ENTPD3: variants seen among roughly 807,000 people sequenced by gnomAD.
ENTPD3 encodes the protein CD39 antigen-like 3.
A neutral mutation model predicts 51.2 loss-of-function variants in ENTPD3; 60 were observed. The ratio of observed to expected loss-of-function variants is 1.17; its 90% CI spans 0.95 to 1.45. The LOEUF (loss-of-function observed/expected upper bound fraction) is 1.45, where lower values mean the gene tolerates loss of function less well. Among genes scored for constraint, ENTPD3 ranks in the 40% most tolerant of loss-of-function variants. The pLI is 0.00. For missense variants in ENTPD3, 593 were observed against 641.1 expected, an observed-to-expected ratio of 0.93 and a Z score of 0.81; for synonymous variants, 221 against 238.4, an observed-to-expected ratio of 0.93 and a Z score of 0.67.
At chr3:40,389,312 T>G (rs1955005876) in intron 2 of ENTPD3, among the ~76,000 whole-genome samples, 11 of 152,094 alleles carry the variant, frequency 7.2e-5, no homozygotes, top group Admixed American at 7.2e-4. Context: ...AGTTTGCCTC[T>G]GTGGATTAAC....
At chr3:40,398,265 C>T (rs907644353) in intron 3 of ENTPD3, among the ~76,000 whole-genome samples, 1 of 152,124 alleles carries the variant, frequency 6.6e-6, no homozygotes, top group African/African-American at 2.4e-5. Context: ...GCTTCAGAAA[C>T]ACAGGAAAAA....
At chr3:40,408,043 G>A (rs1955543598) in intron 4 of ENTPD3, among the ~76,000 whole-genome samples, 1 of 152,084 alleles carries the variant, frequency 6.6e-6, no homozygotes, top group Admixed American at 6.6e-5. Flanking sequence ...GATCCAATCA[G>A]CGAAATCCAA....
chr3:40,395,439 G>A (rs1105745), intron 3 of ENTPD3, among the ~76,000 whole-genome samples: 7,070 of 152,250 alleles, frequency 0.046, 509 homozygotes, highest in African/African-American at 0.16. Flanking sequence ...AAAGACATAC[G>A]TGCAAGTAGA....
chr3:40,424,905 C>A (rs1302947865), intron 10 of ENTPD3: 2 of 646,450 alleles, frequency 3.1e-6, no homozygotes, highest in Non-Finnish European at 5.7e-6. Context: ...ATTGAGTCAT[C>A]TACAAAAAAA....
Position 40,415,848 on chromosome 3 carries a change from GT to G in ENTPD3, c.607del (p.Trp203GlyfsTer18), listed in dbSNP as rs1402017095. 1.2e-6 allele frequency: 2 copies of G among 1,613,668 alleles called. No individual in the cohort carries two copies. The highest frequency in any genetic ancestry group is 4.5e-5 in the East Asian group (2 of 44,876). On this transcript the variant is annotated frameshift_variant, in exon 7 of 11. Transcript: ENST00000301825. LOFTEE classifies it high-confidence loss of function. ...CTTTTCCCACTGTGCAGAAGAACCT[GT>G]GGCACATGTGGGTGCACCCGCATGG... Reference protein sequence around the residue: ...LMGNFLEKNLWHMWVHPHGVE... With the variant: ...LMGNFLEKNLXHMWVHPHGVE...
chr3:40,389,134 T>C (rs1233331025), intron 2 of ENTPD3, among the ~76,000 whole-genome samples: 1 of 152,252 alleles, frequency 6.6e-6, no homozygotes, highest in Non-Finnish European at 1.5e-5. Context: ...CTTTGAAATG[T>C]TAACACAGAT....
At position 40,427,605 on chromosome 3, in the gene ENTPD3, C is replaced by T; in HGVS notation, c.*97C>T. 1.1e-6 allele frequency: 1 copy of T among 904,542 alleles called. No homozygotes were observed. The highest frequency in any genetic ancestry group is 1.9e-5 in the Admixed American group (1 of 51,412). 56.0% of individuals were successfully genotyped at this position (904,542 alleles called of 1,614,324 possible). A position where few individuals can be genotyped will look rare whatever the true frequency, so the allele number is the denominator to read the frequency against. On this transcript the variant is annotated 3_prime_UTR_variant, in exon 11 of 11. Coordinates refer to ENST00000301825, the MANE Select transcript of ENTPD3 (RefSeq NM_001248.4). ...AAGTGGCTGCCTTCAGGAAATACAA[C>T]TAACTAAAATCAAACACCTAGGTCA...
chr3:40,406,563 T>C (rs1955503765), intron 4 of ENTPD3, among the ~76,000 whole-genome samples: 1 of 152,238 alleles, frequency 6.6e-6, no homozygotes, highest in South Asian at 2.1e-4. Flanking sequence ...AGTTAAGTGC[T>C]GTTAAATCAG....
intron 4 of ENTPD3, among the ~76,000 whole-genome samples, chr3:40,407,006 G>A (rs990147913): frequency 2.0e-5 from 3 of 152,128 alleles, no homozygotes; most frequent in Non-Finnish European, 2.9e-5. Flanking sequence ...TTTTATGATG[G>A]ACTTGATGTG....
chr3:40,427,802 G>A lies in ENTPD3; in HGVS notation c.*294G>A, dbSNP rs977039582. 1.9e-5 allele frequency: 8 copies of A among 411,126 alleles called. No homozygotes were observed. The highest frequency in any genetic ancestry group is 9.5e-5 in the East Asian group (2 of 21,000). The allele number at this position is 411,126 out of a possible 1,614,324, so 25.5% of individuals were successfully genotyped here. ...TTATATTAAGTTCCCCAGAGGAAGA[G>A]TAAGTTGAGAAGGTATCAGTTTAAT... On this transcript the variant is annotated 3_prime_UTR_variant, in exon 11 of 11. Coordinates refer to ENST00000301825, the MANE Select transcript of ENTPD3 (RefSeq NM_001248.4).
intron 7 of ENTPD3, among the ~76,000 whole-genome samples, chr3:40,419,517 T>C (rs1356010942): frequency 6.6e-6 from 1 of 152,178 alleles, no homozygotes; most frequent in Admixed American, 6.5e-5. Context: ...TCAAAGTCAT[T>C]TGAAGCAGTA....
intron 3 of ENTPD3, among the ~76,000 whole-genome samples, chr3:40,394,897 G>A (rs1955159388): frequency 6.6e-6 from 1 of 152,140 alleles, no homozygotes; most frequent in Non-Finnish European, 1.5e-5. Flanking sequence ...TGCACTTCAG[G>A]CTTATCTCTC....
chr3:40,409,546 A>C (rs769713659), intron 4 of ENTPD3, among the ~76,000 whole-genome samples: 2 of 152,220 alleles, frequency 1.3e-5, no homozygotes, highest in Non-Finnish European at 2.9e-5. Context: ...GACACATCCA[A>C]GCAAAACTTG....
At chr3:40,392,605 T>C (rs17078812) in intron 3 of ENTPD3, 6,697 of 154,336 alleles carry the variant, frequency 0.043, 450 homozygotes, top group African/African-American at 0.15. Context: ...TACCGGTTAG[T>C]GCACTTTCCA....
intron 10 of ENTPD3, chr3:40,424,970 C>T: frequency 2.3e-6 from 1 of 442,862 alleles, no homozygotes; most frequent in Non-Finnish European, 4.1e-6. Flanking sequence ...CTAAGCTTTG[C>T]TTCTAATAAA....
intron 7 of ENTPD3, among the ~76,000 whole-genome samples, chr3:40,418,017 T>C (rs1955787125): frequency 6.6e-6 from 1 of 152,150 alleles, no homozygotes; most frequent in Non-Finnish European, 1.5e-5. Flanking sequence ...TAAAGAATGA[T>C]TATCTATGTA....
Position 40,416,025 on chromosome 3 carries a change from C to T in ENTPD3, c.783C>T (p.Cys261=), listed in dbSNP as rs575537800. ...VYTLYTHSFQ[C]YGRNEAEKKF... is the part of the protein sequence containing the mutation. Reference sequence around the variant, plus strand: ...CGCTCTACACACACAGCTTCCAGTGCTATGGCCGGAATGAGGCTGAGAAGA... The same window carrying T: ...CGCTCTACACACACAGCTTCCAGTGTTATGGCCGGAATGAGGCTGAGAAGA... Residue 261 remains cysteine, a synonymous_variant, in exon 7 of 11, where the codon TGC becomes TGT. Coordinates refer to ENST00000301825, the MANE Select transcript of ENTPD3 (RefSeq NM_001248.4). The T allele has an allele frequency of 4.3e-6, 7 of 1,614,058 alleles. No individual in the cohort carries two copies. Among genetic ancestry groups the T allele is most frequent in the Admixed American group, 1.7e-5 (1 of 60,006 alleles).
chr3:40,398,464 C>G (rs1955262443), intron 3 of ENTPD3, among the ~76,000 whole-genome samples: 1 of 152,136 alleles, frequency 6.6e-6, no homozygotes, highest in Admixed American at 6.5e-5. Flanking sequence ...AGGCCTGGAC[C>G]TCTTTAGTTT....
At chr3:40,402,121 TTC>T (rs1252925849) in intron 4 of ENTPD3, among the ~76,000 whole-genome samples, 1 of 93,098 alleles carries the variant, frequency 1.1e-5, no homozygotes, top group Non-Finnish European at 2.4e-5. Flanking sequence ...CTTTTTTTTT[TTC>T]TTTTTTTTTT....
Sources: allele counts gnomAD v4.1 joint callset (sites outside exome capture counted in the v4.1 genomes callset), GRCh38; gene constraint gnomAD v4.1.1; transcripts MANE v1.5; gene names NCBI Gene and HGNC (gene_info 2026-07-23, HGNC 2026-07-21).